Variants in SLC30A4 observed in about 807,000 individuals in gnomAD.
SLC30A4 encodes solute carrier family 30 member 4.
SLC30A4 carries 20 observed loss-of-function variants against 41.7 expected under a neutral mutation model. The observed-to-expected ratio is 0.48, with a 90% CI of 0.34 to 0.70. SLC30A4 has a LOEUF of 0.70. Ranked by LOEUF, SLC30A4 falls within the 30% of genes least tolerant of loss-of-function variation. SLC30A4 has a pLI of 0.01. For missense variants in SLC30A4, 441 were observed against 529.3 expected, an observed-to-expected ratio of 0.83 and a Z score of 1.64; for synonymous variants, 181 against 195.9, an observed-to-expected ratio of 0.92 and a Z score of 0.64.
chr15:45,505,794 G>C (rs2140835748), intron 3 of SLC30A4, among the ~76,000 whole-genome samples: 1 of 152,290 alleles, frequency 6.6e-6, no homozygotes, highest in Non-Finnish European at 1.5e-5. Flanking sequence ...GGATAGGCTA[G>C]AAACCAATTA....
intron 3 of SLC30A4, among the ~76,000 whole-genome samples, chr15:45,494,335 C>T (rs1277677445): frequency 3.3e-5 from 5 of 152,054 alleles, no homozygotes; most frequent in Admixed American, 3.3e-4. Context: ...ATAAAAAAAA[C>T]ACAAGGGATT....
chr15:45,513,056 T>C (rs980977494), intron 2 of SLC30A4, among the ~76,000 whole-genome samples: 2 of 151,958 alleles, frequency 1.3e-5, no homozygotes, highest in Non-Finnish European at 2.9e-5. Context: ...TCCCAACACT[T>C]TGGGAGGCTG....
Position 45,481,634 on chromosome 15 carries a change from C to T in SLC30A4, c.*3529G>A, listed in dbSNP as rs1891603038. 1 of 152,182 alleles carries T rather than the reference C, an allele frequency of 6.6e-6. No homozygotes were observed. Among genetic ancestry groups the T allele is most frequent in the Non-Finnish European group, 1.5e-5 (1 of 68,030 alleles). The allele number at this position is 152,182 out of a possible 1,614,324, so 9.4% of individuals were successfully genotyped here. Reference sequence around the variant, plus strand: ...CATCCAACTCAGCCACTGCTTTTCACAGGGCATAGAGCTCTTTGAGAGCTC... The same window carrying T: ...CATCCAACTCAGCCACTGCTTTTCATAGGGCATAGAGCTCTTTGAGAGCTC... On this transcript the variant is annotated 3_prime_UTR_variant, in exon 8 of 8. Transcript: ENST00000261867.
chr15:45,509,445 G>C (rs766588653), intron 3 of SLC30A4, among the ~76,000 whole-genome samples: 34 of 152,022 alleles, frequency 2.2e-4, no homozygotes, highest in Non-Finnish European at 3.4e-4. Context: ...GTAGATATGG[G>C]GTTTCACCAT....
intron 5 of SLC30A4, among the ~76,000 whole-genome samples, chr15:45,487,908 G>A (rs1891734752): frequency 7.8e-6 from 1 of 127,534 alleles, no homozygotes; most frequent in South Asian, 3.1e-4. Flanking sequence ...CTGGAAAGAA[G>A]TAAGTGTGTG....
At chr15:45,496,338 AG>A (rs1891906622) in intron 3 of SLC30A4, among the ~76,000 whole-genome samples, 2 of 152,178 alleles carry the variant, frequency 1.3e-5, no homozygotes, top group South Asian at 4.1e-4. Flanking sequence ...TTTAAGAGAG[AG>A]GGAAGCTTTC....
chr15:45,484,900 G>A lies in SLC30A4; in HGVS notation c.*263C>T, dbSNP rs527461512. The A allele has an allele frequency of 5.3e-6, 2 of 377,810 alleles. No individual in the cohort carries two copies. The highest frequency in any genetic ancestry group is 4.2e-5 in the African/African-American group (2 of 47,824). The allele number at this position is 377,810 out of a possible 1,614,324, so 23.4% of individuals were successfully genotyped here. A position where few individuals can be genotyped will look rare whatever the true frequency, so the allele number is the denominator to read the frequency against. On this transcript the variant is annotated 3_prime_UTR_variant, in exon 8 of 8. Coordinates refer to ENST00000261867, the MANE Select transcript of SLC30A4 (RefSeq NM_013309.6). ...AGTTAATGAAGTATGATCTTGGATTGTCTTCTATGAGGTATCTGTAGAGTC... is the reference window on the plus strand; with the variant it reads ...AGTTAATGAAGTATGATCTTGGATTATCTTCTATGAGGTATCTGTAGAGTC...
intron 3 of SLC30A4, among the ~76,000 whole-genome samples, chr15:45,510,156 A>G (rs1892252397): frequency 6.6e-6 from 1 of 152,068 alleles, no homozygotes; most frequent in African/African-American, 2.4e-5. Flanking sequence ...TCTGTCTTAA[A>G]AGCAAAAACG....
chr15:45,521,711 A>C, intron 2 of SLC30A4: 1 of 437,476 alleles, frequency 2.3e-6, no homozygotes, highest in Non-Finnish European at 4.0e-6. Context: ...AATGAAGATA[A>C]CGTCCTTAAC....
chr15:45,503,242 G>A, intron 3 of SLC30A4, among the ~76,000 whole-genome samples: 1 of 152,044 alleles, frequency 6.6e-6, no homozygotes, highest in East Asian at 1.9e-4. Context: ...ATTTACCCTA[G>A]ATCAACAGGA....
At position 45,485,233 on chromosome 15, in the gene SLC30A4, G is replaced by A. The variant is rs759191429; in HGVS notation, c.1220C>T (p.Thr407Ile). Reference protein sequence around the residue: ...LLNTFGMYRCTIQLQSYRQEV... With the variant: ...LLNTFGMYRCIIQLQSYRQEV... ...TTGCCTGTAACTCTGAAGCTGAATA[G>A]TACATCTATACATGCCAAATGTGTT... The change falls in exon 8 of 8, where the codon ACT (threonine) becomes ATT (isoleucine). Residue 407 changes from threonine (T) to isoleucine (I), a missense_variant. By Grantham distance (89) the Thr-to-Ile change is moderately conservative. Transcript: ENST00000261867. The A allele has an allele frequency of 2.5e-6, 4 of 1,612,446 alleles. No homozygotes were observed. Among genetic ancestry groups the A allele is most frequent in the Non-Finnish European group, 3.4e-6 (4 of 1,178,878 alleles).
At chr15:45,514,318 G>A (rs1034015428) in intron 2 of SLC30A4, among the ~76,000 whole-genome samples, 5 of 144,974 alleles carry the variant, frequency 3.4e-5, no homozygotes, top group African/African-American at 5.1e-5. Flanking sequence ...CTGAGATTGC[G>A]CCATTGTACT....
chr15:45,486,793 G>A, intron 6 of SLC30A4, 48 bp from the exon 7 acceptor site: 8 of 1,153,334 alleles, frequency 6.9e-6, no homozygotes, highest in South Asian at 3.9e-5. Context: ...TGGAAATAAA[G>A]GAACTTTTAC....
In SLC30A4 at chr15:45,522,212, AC is replaced by A. The variant is rs1892692956; in HGVS notation, c.142del (p.Val48LeufsTer36). ...TTCGGAACCGTCATCGGCCACCACA[AC>A]TCGAAGTTTGTTGAACCGAGAAAGC... ...EGLSRFNKLRVVVADDGSEAP... is the reference protein window; with the variant it reads ...EGLSRFNKLRXVVADDGSEAP... On this transcript the variant is annotated frameshift_variant, in exon 2 of 8. Coordinates refer to ENST00000261867, the MANE Select transcript of SLC30A4 (RefSeq NM_013309.6). LOFTEE classifies it high-confidence loss of function. The A allele has an allele frequency of 6.2e-7, 1 of 1,613,786 alleles. No homozygotes were observed. The highest frequency in any genetic ancestry group is 8.5e-7 in the Non-Finnish European group (1 of 1,179,962).
chr15:45,482,578 G>C lies in SLC30A4; in HGVS notation c.*2585C>G, dbSNP rs1398165030. The C allele has an allele frequency of 6.6e-6, 1 of 152,054 alleles. No homozygotes were observed. The highest frequency in any genetic ancestry group is 2.1e-4 in the South Asian group (1 of 4,830). 9.4% of individuals were successfully genotyped at this position (152,054 alleles called of 1,614,324 possible). ...CAATAGATATAAAAAAATGATTAGAGTATGATGAATATTTTTTTCCTTTCT... is the reference window on the plus strand; with the variant it reads ...CAATAGATATAAAAAAATGATTAGACTATGATGAATATTTTTTTCCTTTCT... On this transcript the variant is annotated 3_prime_UTR_variant, in exon 8 of 8. Transcript: ENST00000261867.
chr15:45,490,186 T>C (rs916348721), intron 4 of SLC30A4, among the ~76,000 whole-genome samples: 2 of 152,160 alleles, frequency 1.3e-5, no homozygotes, highest in African/African-American at 4.8e-5. Context: ...TGATTGCCTG[T>C]GCTCAAGTGA....
At chr15:45,504,831 A>G (rs1484009811) in intron 3 of SLC30A4, among the ~76,000 whole-genome samples, 1 of 152,228 alleles carries the variant, frequency 6.6e-6, no homozygotes, top group Non-Finnish European at 1.5e-5. Flanking sequence ...TCAAACTGGT[A>G]GGAAGTTAGG....
intron 3 of SLC30A4, among the ~76,000 whole-genome samples, chr15:45,501,693 AG>A (rs1892038504): frequency 6.6e-6 from 1 of 152,060 alleles, no homozygotes; most frequent in Non-Finnish European, 1.5e-5. Context: ...TTGTAAAGAT[AG>A]GGGTCTCGCT....
At position 45,511,167 on chromosome 15, in the gene SLC30A4, T is replaced by C. The variant is rs1318972465; in HGVS notation, c.509A>G (p.Lys170Arg). 1.2e-6 allele frequency: 2 copies of C among 1,613,758 alleles called. No homozygotes were observed. Among genetic ancestry groups the C allele is most frequent in the Admixed American group, 3.3e-5 (2 of 59,954 alleles). ...GCGATGAAATCCAAAGGTGAATCTT[T>C]TGGTTGGTGATTTTGATGATAGCCA... ...ALWLSSKSPT[K>R]RFTFGFHRLE... Residue 170 changes from lysine (K) to arginine (R), a missense_variant, in exon 3 of 8, where the codon AAA (lysine) becomes AGA (arginine). By Grantham distance (26) the Lys-to-Arg change is conservative. Around this residue, in one of 3 missense-constraint regions of SLC30A4, gnomAD observed 312 missense variants for 341.9 expected, o/e 0.91. Coordinates refer to ENST00000261867, the MANE Select transcript of SLC30A4 (RefSeq NM_013309.6).
Sources: gnomAD v4.1 joint callset for allele counts (sites outside exome capture counted in the v4.1 genomes callset) on GRCh38, gnomAD v4.1.1 for gene constraint, gnomAD v4.1.1 regional missense constraint, MANE v1.5 for transcripts, NCBI Gene and HGNC (gene_info 2026-07-23, HGNC 2026-07-21) for gene names.